Variants in ERCC1 observed in about 807,000 individuals in gnomAD.
ERCC1 encodes ERCC excision repair 1, endonuclease non-catalytic subunit, also known as DNA excision repair protein ERCC-1.
Under a neutral mutation model 37.6 loss-of-function variants are expected in ERCC1, and 36 were observed. That is an observed-to-expected ratio of 0.96 (90% CI 0.73 to 1.26). The LOEUF is 1.26. Among genes scored for constraint, ERCC1 ranks in the 50% most tolerant of loss-of-function variants. ERCC1 has a pLI of 0.00. For synonymous variants in ERCC1, 156 were observed against 162.1 expected, an observed-to-expected ratio of 0.96 and a Z score of 0.28; for missense variants, 349 against 376.5, an observed-to-expected ratio of 0.93 and a Z score of 0.60.
At chr19:45,448,123 C>T (rs755936508) in intron 1 of ERCC1, among the ~76,000 whole-genome samples, 2 of 152,306 alleles carry the variant, frequency 1.3e-5, no homozygotes, top group South Asian at 2.1e-4. Flanking sequence ...CCACCCACCT[C>T]GGCCTCCCAA....
chr19:45,427,703 T>A (rs182331789), upstream of ERCC1, among the ~76,000 whole-genome samples: 7 of 152,302 alleles, frequency 4.6e-5, no homozygotes, highest in Admixed American at 2.6e-4. Context: ...GTAGAAGGGC[T>A]TGTGACTCAG....
At position 45,436,134 on chromosome 19, in the gene ERCC1, G is replaced by A. The variant is rs187765899; in HGVS notation, c.-7-12753C>T. Among the ~76,000 whole-genome samples the A allele has an allele frequency of 3.9e-4, 60 of 152,128 alleles. 1 individual carries two copies. The highest frequency in any genetic ancestry group is 1.4e-3 in the African/African-American group (59 of 41,510). On this transcript the variant is annotated intron_variant, in intron 1 of 8. Transcript: ENST00000423698. ...GACCCACGGAGCCTGGATGAAGAGC[G>A]GGAAGCCTGAGGTCTCCTTCAGTCT...
At position 45,409,006 on chromosome 19, in the gene ERCC1, G is replaced by A. The variant is rs769960893; in HGVS notation, c.*669C>T. 2.3e-5 allele frequency: 37 copies of A among 1,613,952 alleles called. No homozygotes were observed. Among genetic ancestry groups the A allele is most frequent in the African/African-American group, 6.7e-5 (5 of 74,930 alleles). On this transcript the variant is annotated 3_prime_UTR_variant, in exon 10 of 10. Coordinates refer to ENST00000300853, the MANE Select transcript of ERCC1 (RefSeq NM_001983.4). Reference sequence around the variant, plus strand: ...CAATGATGGAGCCAGGGACGGAGGCGATGGAGCCAGTGGAGCCGGAGATGA... The same window carrying A: ...CAATGATGGAGCCAGGGACGGAGGCAATGGAGCCAGTGGAGCCGGAGATGA...
intron 1 of ERCC1, among the ~76,000 whole-genome samples, chr19:45,440,208 C>T (rs1975084840): frequency 6.6e-6 from 1 of 151,790 alleles, no homozygotes; most frequent in Non-Finnish European, 1.5e-5. Context: ...TCAGCTTCAC[C>T]TCCATTCCTC....
chr19:45,408,779 C>A lies in ERCC1; in HGVS notation c.*896G>T, dbSNP rs1568570300. The A allele has an allele frequency of 6.2e-7, 1 of 1,613,746 alleles. No homozygotes were observed. The highest frequency in any genetic ancestry group is 1.7e-5 in the Admixed American group (1 of 59,976). On this transcript the variant is annotated 3_prime_UTR_variant, in exon 10 of 10. Transcript: ENST00000300853. ...CGAGCCAGAAGACAAGACAGTGAAG[C>A]AGGAACAGATTAACACTGAGCCTCT...
chr19:45,414,229 C>T (rs1259994747), intron 7 of ERCC1, 195 bp from the exon 8 acceptor site: 2 of 630,252 alleles, frequency 3.2e-6, no homozygotes, highest in East Asian at 2.8e-5. Flanking sequence ...ATAATCCCAG[C>T]ACTTTCGAGG....
At position 45,409,019 on chromosome 19, in the gene ERCC1, G is replaced by A; in HGVS notation, c.*656C>T. 6.2e-7 allele frequency: 1 copy of A among 1,614,100 alleles called. No individual in the cohort carries two copies. Among genetic ancestry groups the A allele is most frequent in the Non-Finnish European group, 8.5e-7 (1 of 1,180,016 alleles). The stretch of plus-strand genomic sequence containing the variant: ...AGGGACGGAGGCGATGGAGCCAGTG[G>A]AGCCGGAGATGAAGCCTCTGGAGTC... On this transcript the variant is annotated 3_prime_UTR_variant, in exon 10 of 10. Coordinates refer to ENST00000300853, the MANE Select transcript of ERCC1 (RefSeq NM_001983.4).
At chr19:45,428,083 C>CTTTTTTTTTTTTTTTTTT (rs5828235), upstream of ERCC1, among the ~76,000 whole-genome samples, 27 of 116,016 alleles carry the variant, frequency 2.3e-4, 1 homozygote, top group African/African-American at 8.8e-4. Context: ...TTCTTTCTTT[C>CTTTTTTTTTTTTTTTTTT]TTTTTTTTTT....
chr19:45,422,469 T>C (rs934075205), intron 2 of ERCC1, among the ~76,000 whole-genome samples: 3 of 151,960 alleles, frequency 2.0e-5, no homozygotes, highest in Non-Finnish European at 4.4e-5. Flanking sequence ...TCCCTTGACC[T>C]TCCTATCTAA....
In ERCC1 at chr19:45,423,556, T is replaced by A; in HGVS notation, c.-7-175A>T. On this transcript the variant is annotated intron_variant, in intron 1 of 9. Coordinates refer to ENST00000300853, the MANE Select transcript of ERCC1 (RefSeq NM_001983.4). ...CGCCACGCCCCTTTGACCTCCACCT[T>A]CGGCTCGCCCCGCCCCTTACAGGTC... 5 of 1,432,326 alleles carry A rather than the reference T, an allele frequency of 3.5e-6. No individual in the cohort carries two copies. In the East Asian group the frequency reaches 1.3e-4, roughly 36 times the overall value. The allele number at this position is 1,432,326 out of a possible 1,614,324, so 88.7% of individuals were successfully genotyped here.
chr19:45,433,117 C>T (rs1309610092), intron 1 of ERCC1, among the ~76,000 whole-genome samples: 1 of 150,694 alleles, frequency 6.6e-6, no homozygotes, highest in Admixed American at 6.6e-5. Flanking sequence ...AGGCCGGGTG[C>T]GGTGGCTCAC....
intron 1 of ERCC1, among the ~76,000 whole-genome samples, chr19:45,439,313 C>T (rs1404769978): frequency 1.3e-5 from 2 of 152,140 alleles, no homozygotes; most frequent in African/African-American, 4.8e-5. Context: ...TGCTGCAATG[C>T]CTCAACCCAG....
rs199701462 is a variant in ERCC1, at chr19:45,409,310, G to A, written c.*365C>T. 6.2e-7 allele frequency: 1 copy of A among 1,614,118 alleles called. No individual in the cohort carries two copies. Among genetic ancestry groups the A allele is most frequent in the East Asian group, 2.2e-5 (1 of 44,868 alleles). Reference sequence around the variant, plus strand: ...GCCACTAGAGCCTGAACTGCCAGGGGAGGGACAGCCTGAAGCCAGGGCAAC... The same window carrying A: ...GCCACTAGAGCCTGAACTGCCAGGGAAGGGACAGCCTGAAGCCAGGGCAAC... On this transcript the variant is annotated 3_prime_UTR_variant, in exon 10 of 10. Coordinates refer to ENST00000300853, the MANE Select transcript of ERCC1 (RefSeq NM_001983.4).
At chr19:45,426,599 C>T (rs1974699695), upstream of ERCC1, among the ~76,000 whole-genome samples, 1 of 151,120 alleles carries the variant, frequency 6.6e-6, no homozygotes, top group Non-Finnish European at 1.5e-5. Context: ...GATCTATTGC[C>T]CAGATTTATT....
At position 45,420,573 on chromosome 19, in the gene ERCC1, C is replaced by T. The variant is rs1599836554; in HGVS notation, c.322-146G>A. 2.2e-5 allele frequency: 15 copies of T among 686,568 alleles called. No individual in the cohort carries two copies. The East Asian group carries it at 4.1e-4, about 19-fold the overall frequency. The allele number at this position is 686,568 out of a possible 1,614,324, so 42.5% of individuals were successfully genotyped here. A position where few individuals can be genotyped will look rare whatever the true frequency, so the allele number is the denominator to read the frequency against. Reference sequence around the variant, plus strand: ...CTCGCACCTCTTCCCACACCTCCTCCCTCCTCCCACCTGTGGCAGGGTCTT... The same window carrying T: ...CTCGCACCTCTTCCCACACCTCCTCTCTCCTCCCACCTGTGGCAGGGTCTT... On this transcript the variant is annotated intron_variant, in intron 3 of 9. Transcript: ENST00000300853. The surrounding 1 kb of genome is among the most constrained non-coding windows in gnomAD (Gnocchi z 4.8).
At chr19:45,411,932 C>T (rs1973764673) in intron 9 of ERCC1, among the ~76,000 whole-genome samples, 1 of 151,942 alleles carries the variant, frequency 6.6e-6, no homozygotes, top group Non-Finnish European at 1.5e-5. Context: ...TCTCGGCTCA[C>T]TGCAAGCTCT....
At chr19:45,435,769 C>CT (rs893843742) in intron 1 of ERCC1, among the ~76,000 whole-genome samples, 6 of 148,810 alleles carry the variant, frequency 4.0e-5, no homozygotes, top group South Asian at 2.1e-4. Flanking sequence ...ACATTCTGTA[C>CT]TTTTTTTTTT....
Position 45,437,649 on chromosome 19 carries a change from A to C in ERCC1, c.-7-14268T>G, listed in dbSNP as rs560645659. Among the ~76,000 whole-genome samples the C allele has an allele frequency of 1.4e-4, 22 of 152,334 alleles. No individual in the cohort carries two copies. In the South Asian group the frequency reaches 4.6e-3, roughly 32 times the overall value. ...TCCCACTTTTATATGGAATCTTAAA[A>C]AGTCGAGCTCATAGAAACAGTATAA... is the stretch of plus-strand genomic sequence containing the variant. On this transcript the variant is annotated intron_variant, in intron 1 of 8. Coordinates refer to the ERCC1 transcript ENST00000423698.
At chr19:45,445,656 G>T (rs893149271) in intron 1 of ERCC1, among the ~76,000 whole-genome samples, 3 of 152,110 alleles carry the variant, frequency 2.0e-5, no homozygotes, top group African/African-American at 7.2e-5. Context: ...CAAGTGCAAA[G>T]GGTGTAAGGT....
Sources: allele counts gnomAD v4.1 joint callset (sites outside exome capture counted in the v4.1 genomes callset), GRCh38; gene constraint gnomAD v4.1.1; non-coding constraint Gnocchi (gnomAD v3.1); transcripts MANE v1.5; gene names NCBI Gene and HGNC (gene_info 2026-07-23, HGNC 2026-07-21).